CATSPERE: variants seen among roughly 807,000 people sequenced by gnomAD.
CATSPERE encodes catsper channel auxiliary subunit epsilon, also known as cation channel sperm-associated auxiliary subunit epsilon.
A neutral mutation model predicts 114.1 loss-of-function variants in CATSPERE; 93 were observed. That is an observed-to-expected ratio of 0.81 (90% confidence interval 0.69 to 0.97). The LOEUF (loss-of-function observed/expected upper bound fraction) is 0.97, where lower values mean the gene tolerates loss of function less well. Among genes scored for constraint, CATSPERE ranks in the 50% least tolerant of loss-of-function variants. The pLI is 0.00. For missense variants in CATSPERE, 1,058 were observed against 1,131.6 expected, an observed-to-expected ratio of 0.93 and a Z score of 0.93; for synonymous variants, 341 against 384.1, an observed-to-expected ratio of 0.89 and a Z score of 1.31.
At chr1:244,565,515 G>T (rs1328645048) in intron 10 of CATSPERE, among the ~76,000 whole-genome samples, 1 of 152,150 alleles carries the variant, frequency 6.6e-6, no homozygotes, top group African/African-American at 2.4e-5. Context: ...ATTTCTTCTA[G>T]ATTTTCTAGT....
intron 17 of CATSPERE, among the ~76,000 whole-genome samples, chr1:244,601,509 A>G (rs1469367521): frequency 6.6e-6 from 1 of 152,238 alleles, no homozygotes; most frequent in Non-Finnish European, 1.5e-5. Flanking sequence ...TGTCATATAA[A>G]TAAGACAGAT....
At chr1:244,543,668 TAAAAA>T (rs1331390287) in intron 8 of CATSPERE, among the ~76,000 whole-genome samples, 1 of 147,976 alleles carries the variant, frequency 6.8e-6, no homozygotes, top group East Asian at 2.0e-4. Context: ...ATATACAAAA[TAAAAA>T]TAAAATAGTA....
chr1:244,524,872 C>G (rs1002903014), intron 8 of CATSPERE, among the ~76,000 whole-genome samples: 3 of 146,572 alleles, frequency 2.0e-5, no homozygotes, highest in Admixed American at 1.3e-4. Flanking sequence ...GAAATAGGAA[C>G]ACTTTTACAC....
chr1:244,612,793 C>T (rs1670906970), intron 19 of CATSPERE, among the ~76,000 whole-genome samples: 1 of 152,178 alleles, frequency 6.6e-6, no homozygotes. Flanking sequence ...TCCCAAGTAG[C>T]TGGGATTACA....
chr1:244,638,838 T>C (rs1674976566), intron 21 of CATSPERE, among the ~76,000 whole-genome samples: 1 of 152,226 alleles, frequency 6.6e-6, no homozygotes, highest in African/African-American at 2.4e-5. Context: ...CTTAGATATA[T>C]CCGCTTCTCT....
chr1:244,563,927 T>C (rs997753568), intron 10 of CATSPERE, among the ~76,000 whole-genome samples: 13 of 152,192 alleles, frequency 8.5e-5, no homozygotes, highest in African/African-American at 3.1e-4. Flanking sequence ...TTAATTTTTG[T>C]ATAAGGTGTA....
intron 7 of CATSPERE, among the ~76,000 whole-genome samples, chr1:244,510,835 C>CTTTTTTTTTT (rs747921082): frequency 9.7e-4 from 47 of 48,326 alleles, no homozygotes; most frequent in Non-Finnish European, 1.2e-3. Flanking sequence ...TTTTCTTTTT[C>CTTTTTTTTTT]TTTTTTTTTT....
chr1:244,582,077 C>T (rs576839947), intron 12 of CATSPERE, among the ~76,000 whole-genome samples: 2 of 152,312 alleles, frequency 1.3e-5, no homozygotes, highest in East Asian at 3.9e-4. Context: ...ATTTCTCATT[C>T]ATCCAAATGA....
intron 21 of CATSPERE, among the ~76,000 whole-genome samples, chr1:244,639,210 C>G (rs567014329): frequency 6.6e-6 from 1 of 152,326 alleles, no homozygotes; most frequent in South Asian, 2.1e-4. Flanking sequence ...TCCATGCCTT[C>G]TCATACCCTT....
chr1:244,593,983 C>T (rs1052669350), intron 17 of CATSPERE, among the ~76,000 whole-genome samples: 4 of 152,182 alleles, frequency 2.6e-5, no homozygotes, highest in South Asian at 2.1e-4. Flanking sequence ...CCGACAAGTA[C>T]ATTGAGGGCA....
chr1:244,639,967 G>C lies in CATSPERE; in HGVS notation c.2742G>C (p.Leu914=). The change falls in exon 22 of 22, where the codon CTG becomes CTC. Residue 914 remains leucine (L), a synonymous_variant. Transcript: ENST00000366534. ...TGGTAGCTTCTTTCCTCTTCGTCCT[G>C]ATGCTGCTCTTCTTCACTATTCTTG... ...VYLVASFLFV[L]MLLFFTILVL... is the part of the protein sequence containing the mutation. 3.9e-6 allele frequency: 6 copies of C among 1,548,948 alleles called. No individual in the cohort carries two copies. The South Asian group carries it at 6.0e-5, about 15-fold the overall frequency.
At chr1:244,600,206 A>C (rs376878938) in intron 17 of CATSPERE, among the ~76,000 whole-genome samples, 5 of 152,194 alleles carry the variant, frequency 3.3e-5, no homozygotes, top group African/African-American at 1.2e-4. Flanking sequence ...GAGAGAACTG[A>C]AAGTTAGAGC....
intron 17 of CATSPERE, among the ~76,000 whole-genome samples, chr1:244,603,826 T>A (rs1026845877): frequency 5.3e-5 from 8 of 152,098 alleles, no homozygotes; most frequent in South Asian, 2.1e-4. Flanking sequence ...GACAACATAG[T>A]GAGACTCCCC....
Position 244,490,459 on chromosome 1 carries a change from C to A in CATSPERE, c.339C>A (p.Asn113Lys). ...TTTTTCCAAGCAGACATTTCTTTAACAACTTTACCCAGGTAAAATATTTTT... is the reference window on the plus strand; with the variant it reads ...TTTTTCCAAGCAGACATTTCTTTAAAAACTTTACCCAGGTAAAATATTTTT... ...LWYYRVRHFF[N>K]NFTQLITVWA... Residue 113 changes from asparagine to lysine, a missense_variant, in exon 6 of 22, where the codon AAC (asparagine) becomes AAA (lysine). Physicochemically the swap from Asn to Lys is moderately conservative, Grantham distance 94. Around this residue, in one of 2 missense-constraint regions of CATSPERE, gnomAD observed 271 missense variants for 225.9 expected, o/e 1.20. Coordinates refer to ENST00000366534, the MANE Select transcript of CATSPERE (RefSeq NM_001130957.2). 1 of 1,535,606 alleles carries A rather than the reference C, an allele frequency of 6.5e-7. No homozygotes were observed. Among genetic ancestry groups the A allele is most frequent in the Non-Finnish European group, 9.0e-7 (1 of 1,113,268 alleles).
At chr1:244,623,922 A>G (rs2148726270) in intron 20 of CATSPERE, among the ~76,000 whole-genome samples, 1 of 152,140 alleles carries the variant, frequency 6.6e-6, no homozygotes, top group East Asian at 1.9e-4. Context: ...ATGGATGCTG[A>G]CTAATTGGGG....
Position 244,557,570 on chromosome 1 carries a change from T to TTC in CATSPERE, c.1030-3098_1030-3097insTC, listed in dbSNP as rs1368393249. 4.2e-4 allele frequency among the ~76,000 whole-genome samples: 35 copies of TTC among 82,428 alleles called. 1 individual carries two copies. The East Asian group carries it at 0.013, about 31-fold the overall frequency. The allele number at this position is 82,428 out of a possible 152,430, so 54.1% of individuals were successfully genotyped here. A position where few individuals can be genotyped will look rare whatever the true frequency, so the allele number is the denominator to read the frequency against. ...ATATATATATATATATATATATATA[T>TTC]ATATATATATATAAAATCTCCCAGG... is the stretch of plus-strand genomic sequence containing the variant. On this transcript the variant is annotated intron_variant, in intron 9 of 21. Coordinates refer to ENST00000366534, the MANE Select transcript of CATSPERE (RefSeq NM_001130957.2).
chr1:244,500,325 C>T (rs1025060901), intron 7 of CATSPERE, among the ~76,000 whole-genome samples: 24 of 152,138 alleles, frequency 1.6e-4, no homozygotes, highest in African/African-American at 5.3e-4. Flanking sequence ...GTTTCTTTTG[C>T]TCCGCAGAAG....
At chr1:244,540,052 T>G (rs1658384517) in intron 8 of CATSPERE, among the ~76,000 whole-genome samples, 1 of 151,402 alleles carries the variant, frequency 6.6e-6, no homozygotes, top group Non-Finnish European at 1.5e-5. Flanking sequence ...GCCAATATCA[T>G]ACTGAATGGG....
At chr1:244,545,767 T>C (rs1302667664) in intron 8 of CATSPERE, among the ~76,000 whole-genome samples, 1 of 152,166 alleles carries the variant, frequency 6.6e-6, no homozygotes, top group Non-Finnish European at 1.5e-5. Context: ...CAATACTCCA[T>C]TATCAGATTG....
Sources: allele counts gnomAD v4.1 joint callset (sites outside exome capture counted in the v4.1 genomes callset), GRCh38; gene constraint gnomAD v4.1.1; regional missense constraint gnomAD v4.1.1; transcripts MANE v1.5; gene names NCBI Gene and HGNC (gene_info 2026-07-23, HGNC 2026-07-21).